The following VWC2 variants were observed in gnomAD, a reference collection of about 807,000 sequenced individuals.
The protein encoded by VWC2 is von Willebrand factor C domain containing 2, also known as brorin.
VWC2 carries 14 observed loss-of-function variants against 29.8 expected under a neutral mutation model. That is an observed-to-expected ratio of 0.47 (90% CI 0.31 to 0.74). The LOEUF is 0.74. Among genes scored for constraint, VWC2 ranks in the 30% least tolerant of loss-of-function variants. The pLI, the probability that VWC2 is intolerant of heterozygous loss-of-function variation, is 0.05. For synonymous variants in VWC2, 213 were observed against 199.0 expected, an observed-to-expected ratio of 1.07 and a Z score of -0.59; for missense variants, 457 against 459.8, an observed-to-expected ratio of 0.99 and a Z score of 0.05.
chr7:49,877,046 A>G (rs1339822193), intron 3 of VWC2, among the ~76,000 whole-genome samples: 1 of 152,160 alleles, frequency 6.6e-6, no homozygotes, highest in African/African-American at 2.4e-5. Flanking sequence ...AGTCTCCTCC[A>G]GATTACAGCT....
At position 49,912,130 on chromosome 7, in the gene VWC2, C is replaced by A; in HGVS notation, c.923C>A (p.Thr308Lys). The change falls in exon 4 of 4, where the codon ACA (threonine) becomes AAA (lysine). Residue 308 changes from threonine (T) to lysine (K), a missense_variant. Physicochemically the swap from Thr to Lys is moderately conservative, Grantham distance 78 (BLOSUM62 -1). Transcript: ENST00000340652. ...TICHCTYEEG[T>K]WRIERQAMCT... ...TGCCACTGTACTTATGAGGAAGGCA[C>A]ATGGAGAATCGAGCGGCAGGCCATG... 1 of 1,614,060 alleles carries A rather than the reference C, an allele frequency of 6.2e-7. No homozygotes were observed. Among genetic ancestry groups the A allele is most frequent in the Non-Finnish European group, 8.5e-7 (1 of 1,179,996 alleles).
At chr7:49,873,489 A>C (rs559611070) in intron 3 of VWC2, among the ~76,000 whole-genome samples, 17 of 152,300 alleles carry the variant, frequency 1.1e-4, no homozygotes, top group African/African-American at 3.1e-4. Flanking sequence ...ACATTTCAAC[A>C]TATGAAATCT....
At chr7:49,831,733 C>A (rs1448992338) in intron 3 of VWC2, among the ~76,000 whole-genome samples, 1 of 152,160 alleles carries the variant, frequency 6.6e-6, no homozygotes, top group Non-Finnish European at 1.5e-5. Context: ...GTTCTGTCAA[C>A]AAGGTGATCA....
chr7:49,876,865 G>A lies in VWC2; in HGVS notation c.827-35169G>A, dbSNP rs141952467. ...TCATATCTAAAGAATATGACACAAC[G>A]CACCGAGATGACTTAAAACAAAGTC... On this transcript the variant is annotated intron_variant, in intron 3 of 3. Coordinates refer to ENST00000340652, the MANE Select transcript of VWC2 (RefSeq NM_198570.5). 8.6e-5 allele frequency among the ~76,000 whole-genome samples: 13 copies of A among 151,766 alleles called. No individual in the cohort carries two copies. In the East Asian group the frequency reaches 1.5e-3, roughly 18 times the overall value.
intron 2 of VWC2, among the ~76,000 whole-genome samples, chr7:49,784,376 A>C (rs73108817): frequency 0.17 from 26,527 of 152,272 alleles, 2,823 homozygotes; most frequent in Non-Finnish European, 0.24. Context: ...AAATAAGAGA[A>C]ATTAATTTCT....
At chr7:49,860,478 G>C (rs1308832129) in intron 3 of VWC2, among the ~76,000 whole-genome samples, 1 of 152,148 alleles carries the variant, frequency 6.6e-6, no homozygotes, top group African/African-American at 2.4e-5. Flanking sequence ...TGTATATGCC[G>C]TGATTTGTTG....
rs1029544406 is a variant in VWC2 at position 49,913,659 on chromosome 7, A to G, written c.*1474A>G. On this transcript the variant is annotated 3_prime_UTR_variant, in exon 4 of 4. Transcript: ENST00000340652. ...CCTTCTTGGACTTTCGGTCTCTGGC[A>G]TAAGAAGTATATGAAATCATAATGT... is the stretch of plus-strand genomic sequence containing the variant. 8.5e-5 allele frequency: 13 copies of G among 152,196 alleles called. No homozygotes were observed. The highest frequency in any genetic ancestry group is 3.1e-4 in the African/African-American group (13 of 41,452). 9.4% of individuals were successfully genotyped at this position (152,196 alleles called of 1,614,324 possible).
In VWC2 at chr7:49,775,656, G is replaced by T; in HGVS notation, c.221G>T (p.Arg74Leu). The T allele has an allele frequency of 6.5e-7, 1 of 1,527,234 alleles. No homozygotes were observed. Among genetic ancestry groups the T allele is most frequent in the Non-Finnish European group, 8.8e-7 (1 of 1,140,302 alleles). The allele number at this position is 1,527,234 out of a possible 1,614,324, so 94.6% of individuals were successfully genotyped here. ...GCGAGGGACGAGGGCGGCAGCGGCC[G>T]GGACTGGAAGAGCAAGAGCGGCCGT... ...RPARDEGGSG[R>L]DWKSKSGRGL... The change falls in exon 2 of 4, where the codon CGG becomes CTG. Residue 74 changes from arginine (R) to leucine (L), a missense_variant. Arg to Leu is a moderately radical substitution (Grantham distance 102). Coordinates refer to ENST00000340652, the MANE Select transcript of VWC2 (RefSeq NM_198570.5).
chr7:49,908,882 G>T (rs960940674), intron 3 of VWC2, among the ~76,000 whole-genome samples: 2 of 152,072 alleles, frequency 1.3e-5, no homozygotes, highest in African/African-American at 4.8e-5. Context: ...TGTTGCAAAA[G>T]AATGAAAAAT....
chr7:49,893,501 T>C (rs1364595902), intron 3 of VWC2, among the ~76,000 whole-genome samples: 1 of 152,226 alleles, frequency 6.6e-6, no homozygotes, highest in African/African-American at 2.4e-5. Context: ...TTTGAACTCT[T>C]AGTTAAAAAT....
intron 3 of VWC2, among the ~76,000 whole-genome samples, chr7:49,906,550 A>G (rs529423424): frequency 6.6e-6 from 1 of 152,252 alleles, no homozygotes; most frequent in South Asian, 2.1e-4. Flanking sequence ...GTTAGCCAGG[A>G]TGGTCTTGAT....
At chr7:49,848,524 T>C (rs1338414589) in intron 3 of VWC2, among the ~76,000 whole-genome samples, 2 of 152,238 alleles carry the variant, frequency 1.3e-5, no homozygotes, top group Non-Finnish European at 1.5e-5. Flanking sequence ...AGAAATGGTG[T>C]GTCTCCTGTA....
At chr7:49,853,345 C>A (rs569367306) in intron 3 of VWC2, among the ~76,000 whole-genome samples, 16 of 152,342 alleles carry the variant, frequency 1.1e-4, no homozygotes, top group Admixed American at 8.5e-4. Flanking sequence ...CCTCCCCAGG[C>A]CCAGGAAGTC....
intron 3 of VWC2, among the ~76,000 whole-genome samples, chr7:49,844,942 C>T (rs1789888183): frequency 1.3e-5 from 2 of 152,196 alleles, no homozygotes; most frequent in South Asian, 4.1e-4. Context: ...CTTGGCCTCC[C>T]AAAGTGCTGG....
intron 3 of VWC2, among the ~76,000 whole-genome samples, chr7:49,853,150 T>C (rs1790264379): frequency 6.6e-6 from 1 of 152,232 alleles, no homozygotes; most frequent in African/African-American, 2.4e-5. Flanking sequence ...ACAGGAGCAG[T>C]CACTGGGGTG....
chr7:49,850,889 T>A (rs1790150268), intron 3 of VWC2, among the ~76,000 whole-genome samples: 1 of 152,236 alleles, frequency 6.6e-6, no homozygotes, highest in African/African-American at 2.4e-5. Flanking sequence ...GATGACTCCC[T>A]GTGGAGAAGG....
intron 3 of VWC2, among the ~76,000 whole-genome samples, chr7:49,869,416 G>A (rs981668851): frequency 6.6e-6 from 1 of 152,072 alleles, no homozygotes; most frequent in African/African-American, 2.4e-5. Context: ...ACAAAGCAAC[G>A]ATTTTAACAA....
chr7:49,839,329 C>T (rs1490613199), intron 3 of VWC2, among the ~76,000 whole-genome samples: 2 of 152,194 alleles, frequency 1.3e-5, no homozygotes, highest in Admixed American at 1.3e-4. Context: ...TACCATGGTA[C>T]TTCTGCAGCA....
At chr7:49,849,724 T>G (rs1790099605) in intron 3 of VWC2, among the ~76,000 whole-genome samples, 1 of 152,236 alleles carries the variant, frequency 6.6e-6, no homozygotes, top group African/African-American at 2.4e-5. Context: ...AGCAGAAGCC[T>G]GAAGAATGGG....
Sources: gnomAD v4.1 joint callset for allele counts (sites outside exome capture counted in the v4.1 genomes callset) on GRCh38, gnomAD v4.1.1 for gene constraint, MANE v1.5 for transcripts, NCBI Gene and HGNC (gene_info 2026-07-23, HGNC 2026-07-21) for gene names.